Variants in CDH13 observed in about 807,000 individuals in gnomAD.
CDH13 encodes the protein cadherin-13.
A neutral mutation model predicts 63.8 loss-of-function variants in CDH13; 24 were observed. The observed-to-expected ratio is 0.38, with a 90% CI of 0.27 to 0.53. CDH13 has a LOEUF of 0.53. CDH13 is among the 20% of genes least tolerant of loss of function. The pLI, the probability that CDH13 is intolerant of heterozygous loss-of-function variation, is 0.85. For missense variants in CDH13, 1,049 were observed against 903.1 expected, an observed-to-expected ratio of 1.16 and a Z score of -2.07; for synonymous variants, 503 against 355.3, an observed-to-expected ratio of 1.42 and a Z score of -4.67.
chr16:82,688,073 G>T (rs962124692), intron 1 of CDH13, among the ~76,000 whole-genome samples: 2 of 152,180 alleles, frequency 1.3e-5, no homozygotes, highest in Non-Finnish European at 2.9e-5. Context: ...AACAGTGTTT[G>T]TGATTTTACC....
chr16:83,669,670 T>C (rs1225661180), intron 8 of CDH13, among the ~76,000 whole-genome samples: 1 of 152,212 alleles, frequency 6.6e-6, no homozygotes, highest in Non-Finnish European at 1.5e-5. Context: ...GGCCTCAGGA[T>C]TAAGGTTTAT....
At chr16:83,045,270 C>G (rs563722558) in intron 3 of CDH13, among the ~76,000 whole-genome samples, 17 of 152,232 alleles carry the variant, frequency 1.1e-4, no homozygotes, top group African/African-American at 3.4e-4. Context: ...TCCTCGTGAA[C>G]AGAACCTTTG....
chr16:82,712,440 C>A (rs11644970), intron 1 of CDH13, among the ~76,000 whole-genome samples: 32,390 of 151,952 alleles, frequency 0.21, 3,515 homozygotes, highest in Non-Finnish European at 0.25. Flanking sequence ...AATATCAGCA[C>A]CTTGCGTATT....
intron 6 of CDH13, among the ~76,000 whole-genome samples, chr16:83,348,205 C>G (rs1223833181): frequency 6.6e-6 from 1 of 152,066 alleles, no homozygotes; most frequent in Non-Finnish European, 1.5e-5. Flanking sequence ...AAAATGAAAC[C>G]TAAGAGCCAC....
At chr16:83,149,814 G>A (rs557071333) in intron 4 of CDH13, among the ~76,000 whole-genome samples, 1 of 152,308 alleles carries the variant, frequency 6.6e-6, no homozygotes, top group South Asian at 2.1e-4. Context: ...ATTCAGCGAT[G>A]TCTTGTTGGT....
chr16:82,740,138 A>G (rs973547394), intron 1 of CDH13, among the ~76,000 whole-genome samples: 1 of 151,970 alleles, frequency 6.6e-6, no homozygotes, highest in African/African-American at 2.4e-5. Flanking sequence ...GAGGCAACAA[A>G]GATGTAAATA....
intron 4 of CDH13, among the ~76,000 whole-genome samples, chr16:83,181,515 A>G (rs1442496574): frequency 6.6e-6 from 1 of 152,238 alleles, no homozygotes; most frequent in Non-Finnish European, 1.5e-5. Flanking sequence ...CTTTTCTTCA[A>G]TAAAGCAAAA....
At chr16:83,786,855 T>G (rs1004060536) in intron 13 of CDH13, among the ~76,000 whole-genome samples, 1 of 152,212 alleles carries the variant, frequency 6.6e-6, no homozygotes, top group African/African-American at 2.4e-5. Flanking sequence ...CCCAAAGTGC[T>G]AGGATTACAG....
chr16:83,287,977 A>G (rs2089364491), intron 5 of CDH13, among the ~76,000 whole-genome samples: 1 of 152,218 alleles, frequency 6.6e-6, no homozygotes, highest in Non-Finnish European at 1.5e-5. Context: ...ACATGTTTTA[A>G]AAAGAGGGCA....
chr16:83,582,555 C>A (rs1451710335), intron 7 of CDH13, among the ~76,000 whole-genome samples: 3 of 152,142 alleles, frequency 2.0e-5, no homozygotes, highest in Admixed American at 1.3e-4. Context: ...TCCTTCCCAG[C>A]CCACCCACTG....
At chr16:83,342,106 C>T (rs1173622176) in intron 5 of CDH13, among the ~76,000 whole-genome samples, 2 of 151,776 alleles carry the variant, frequency 1.3e-5, no homozygotes, top group African/African-American at 2.4e-5. Context: ...CTACTACCTG[C>T]ATGTGGCTAC....
intron 2 of CDH13, among the ~76,000 whole-genome samples, chr16:82,964,029 C>T (rs1907442310): frequency 6.6e-6 from 1 of 152,154 alleles, no homozygotes; most frequent in South Asian, 2.1e-4. Flanking sequence ...CTTTTGAGAC[C>T]TCCCGAGTCG....
intron 1 of CDH13, chr16:82,773,173 T>G (rs1177173528): frequency 6.6e-6 from 1 of 152,274 alleles, no homozygotes; most frequent in Non-Finnish European, 1.5e-5. Context: ...ACCTGGGACA[T>G]GGGGCTGAGC....
chr16:82,709,175 G>A (rs568308282), intron 1 of CDH13, among the ~76,000 whole-genome samples: 6 of 152,080 alleles, frequency 3.9e-5, no homozygotes, highest in Non-Finnish European at 7.4e-5. Flanking sequence ...CTTTGAATAC[G>A]CCCTTAGCAG....
chr16:82,862,337 C>G lies in CDH13; in HGVS notation c.157+3864C>G, dbSNP rs140640228. Among the ~76,000 whole-genome samples, 631 of 152,328 alleles carry G rather than the reference C, an allele frequency of 4.1e-3. 3 individuals carry two copies. Among genetic ancestry groups the G allele is most frequent in the African/African-American group, 0.014 (590 of 41,574 alleles). On this transcript the variant is annotated intron_variant, in intron 2 of 13. Transcript: ENST00000567109. ...ATGGGAAGATCCCAAGTGATAAAAT[C>G]TGACTATCCTATGTTCTGCAAAATT...
intron 7 of CDH13, among the ~76,000 whole-genome samples, chr16:83,580,462 CTCTCTCTCTCTCTCTCTCTCTCTCTCTCT>C (rs1905470475): frequency 1.6e-5 from 1 of 62,930 alleles, no homozygotes; most frequent in African/African-American, 9.4e-5. Flanking sequence ...CTCTCTCTCT[CTCTCTCTCTCTCTCTCTCTCTCTCTCTCT>C]CTCTCTCTCT....
At chr16:83,362,928 C>A (rs752949528) in intron 6 of CDH13, among the ~76,000 whole-genome samples, 1 of 152,110 alleles carries the variant, frequency 6.6e-6, no homozygotes, top group South Asian at 2.1e-4. Context: ...GAAGTGTGCA[C>A]GTTAAGAAGC....
chr16:83,723,871 A>AATGGATGGATGG (rs56156646), intron 10 of CDH13, among the ~76,000 whole-genome samples: 17 of 152,026 alleles, frequency 1.1e-4, no homozygotes, highest in Non-Finnish European at 2.2e-4. Context: ...TCCATGGAAG[A>AATGGATGGATGG]ATGGATGGAT....
chr16:82,639,478 G>C, intron 1 of CDH13: 1 of 1,504,446 alleles, frequency 6.6e-7, no homozygotes, highest in Non-Finnish European at 8.9e-7. Context: ...AAATTTGCCT[G>C]CTGCTGTGTC....
Sources: gnomAD v4.1 joint callset for allele counts (sites outside exome capture counted in the v4.1 genomes callset) on GRCh38, gnomAD v4.1.1 for gene constraint, MANE v1.5 for transcripts, NCBI Gene and HGNC (gene_info 2026-07-23, HGNC 2026-07-21) for gene names.